CPEB3: variants seen among roughly 807,000 people sequenced by gnomAD.
The protein encoded by CPEB3 is cytoplasmic polyadenylation element binding protein 3, also known as cytoplasmic polyadenylation element-binding protein 3.
Under a neutral mutation model 67.2 loss-of-function variants are expected in CPEB3, and 20 were observed. The ratio of observed to expected loss-of-function variants is 0.30; its 90% CI spans 0.21 to 0.43. The LOEUF (loss-of-function observed/expected upper bound fraction) is 0.43. CPEB3 is among the 20% of genes least tolerant of loss of function. CPEB3 has a pLI of 1.00. For missense variants in CPEB3, 746 were observed against 968.6 expected, an observed-to-expected ratio of 0.77 and a Z score of 3.05; for synonymous variants, 376 against 393.1, an observed-to-expected ratio of 0.96 and a Z score of 0.51.
At chr10:92,116,252 TAAA>T (rs1208917572) in intron 6 of CPEB3, among the ~76,000 whole-genome samples, 10 of 145,874 alleles carry the variant, frequency 6.9e-5, no homozygotes, top group Admixed American at 2.7e-4. Context: ...CACCTTCCAG[TAAA>T]AAAAAAAAAA....
chr10:92,283,965 TGATCCACCTGCCTCA>T (rs1458165951), intron 1 of CPEB3, among the ~76,000 whole-genome samples: 16 of 151,226 alleles, frequency 1.1e-4, no homozygotes, highest in Admixed American at 1.1e-3. Context: ...TGACCTCAGG[TGATCCACCTGCCTCA>T]GCCTCCCAAG....
chr10:92,223,598 C>T (rs1564882996), intron 2 of CPEB3, among the ~76,000 whole-genome samples: 1 of 103,008 alleles, frequency 9.7e-6, no homozygotes, highest in Non-Finnish European at 1.8e-5. Flanking sequence ...TTTTTTGAGA[C>T]AGAGTCTCGC....
At chr10:92,268,716 G>A (rs1290987299) in intron 1 of CPEB3, among the ~76,000 whole-genome samples, 1 of 151,964 alleles carries the variant, frequency 6.6e-6, no homozygotes, top group African/African-American at 2.4e-5. Flanking sequence ...ATTTAATTTG[G>A]GTACATTTTT....
At chr10:92,194,032 G>A (rs993514174) in intron 2 of CPEB3, among the ~76,000 whole-genome samples, 138 of 151,860 alleles carry the variant, frequency 9.1e-4, no homozygotes, top group African/African-American at 3.1e-3. Context: ...TCCTGACCTC[G>A]TGATCCACCG....
chr10:92,137,498 G>T, intron 6 of CPEB3: 1 of 1,050,182 alleles, frequency 9.5e-7, no homozygotes, highest in Non-Finnish European at 1.4e-6. Flanking sequence ...TCAGCCACAA[G>T]GCCTTCTGAT....
At chr10:92,243,215 A>G (rs1478560048) in intron 1 of CPEB3, 1 of 152,164 alleles carries the variant, frequency 6.6e-6, no homozygotes, top group Non-Finnish European at 1.5e-5. Flanking sequence ...AAAAGTATAC[A>G]GTATTTATTT....
intron 9 of CPEB3, among the ~76,000 whole-genome samples, chr10:92,076,770 G>T (rs1015004085): frequency 1.3e-5 from 2 of 151,274 alleles, no homozygotes. Context: ...GAAGAAGGAA[G>T]AAGAAGGAGG....
intron 7 of CPEB3, among the ~76,000 whole-genome samples, chr10:92,102,389 G>A (rs1844232349): frequency 1.3e-5 from 2 of 152,074 alleles, no homozygotes; most frequent in South Asian, 4.2e-4. Context: ...CCTAGACAGG[G>A]AGCCAAAAGT....
intron 3 of CPEB3, among the ~76,000 whole-genome samples, chr10:92,191,169 A>C (rs951605216): frequency 1.3e-5 from 2 of 152,118 alleles, no homozygotes; most frequent in African/African-American, 4.8e-5. Flanking sequence ...TGGGAGGCCG[A>C]GGTGGGCAGA....
intron 2 of CPEB3, among the ~76,000 whole-genome samples, chr10:92,203,474 ATATATGTGTG>A (rs1849626525): frequency 6.8e-6 from 1 of 147,108 alleles, no homozygotes; most frequent in Admixed American, 6.9e-5. Context: ...ATATGTGTAT[ATATATGTGTG>A]TATATGTGTA....
At chr10:92,282,506 G>A (rs1315381146) in intron 1 of CPEB3, among the ~76,000 whole-genome samples, 1 of 151,846 alleles carries the variant, frequency 6.6e-6, no homozygotes, top group East Asian at 1.9e-4. Flanking sequence ...TGACCAACAT[G>A]GTAAAACCCC....
chr10:92,158,755 T>C (rs1847326034), intron 4 of CPEB3, among the ~76,000 whole-genome samples: 1 of 152,220 alleles, frequency 6.6e-6, no homozygotes, highest in Non-Finnish European at 1.5e-5. Flanking sequence ...CCTCAGGCCA[T>C]GCTTAATAAT....
chr10:92,235,038 G>C (rs1851460957), intron 2 of CPEB3, among the ~76,000 whole-genome samples: 1 of 152,208 alleles, frequency 6.6e-6, no homozygotes, highest in Non-Finnish European at 1.5e-5. Context: ...TAAAGTGCTT[G>C]GCACAGGGCC....
At chr10:92,168,797 T>C (rs1289091220) in intron 4 of CPEB3, among the ~76,000 whole-genome samples, 2 of 149,650 alleles carry the variant, frequency 1.3e-5, no homozygotes, top group African/African-American at 5.0e-5. Context: ...TGCCCTTTTT[T>C]TTTTTTTTTT....
At chr10:92,087,051 AAAC>A (rs1216838130) in intron 8 of CPEB3, among the ~76,000 whole-genome samples, 11 of 152,234 alleles carry the variant, frequency 7.2e-5, no homozygotes, top group Admixed American at 6.5e-4. Context: ...CCATATCATA[AAAC>A]AACAATAAAG....
At chr10:92,188,079 C>A (rs914620073) in intron 3 of CPEB3, among the ~76,000 whole-genome samples, 20 of 151,900 alleles carry the variant, frequency 1.3e-4, no homozygotes, top group African/African-American at 4.8e-4. Context: ...GCCTCTAGTA[C>A]CAGCTACTTA....
At chr10:92,105,961 C>T (rs894087758) in intron 7 of CPEB3, among the ~76,000 whole-genome samples, 3 of 152,066 alleles carry the variant, frequency 2.0e-5, no homozygotes, top group African/African-American at 7.2e-5. Context: ...GGCGCAATGT[C>T]GGCTCACTGC....
intron 2 of CPEB3, among the ~76,000 whole-genome samples, chr10:92,206,184 G>T (rs1849780717): frequency 6.6e-6 from 1 of 150,760 alleles, no homozygotes; most frequent in Non-Finnish European, 1.5e-5. Context: ...AGATTCTCCT[G>T]CCTCAGCCTC....
At position 92,052,040 on chromosome 10, in the gene CPEB3, G is replaced by A. The variant is rs971883278; in HGVS notation, c.*172C>T. 1 of 580,064 alleles carries A rather than the reference G, an allele frequency of 1.7e-6. No individual in the cohort carries two copies. The highest frequency in any genetic ancestry group is 2.2e-5 in the South Asian group (1 of 45,830). The allele number at this position is 580,064 out of a possible 1,614,324, so 35.9% of individuals were successfully genotyped here. ...AATTCTGCATTATACTGGACACTGAGTTCAGTAATATGACTGTAAATAATA... is the reference window on the plus strand; with the variant it reads ...AATTCTGCATTATACTGGACACTGAATTCAGTAATATGACTGTAAATAATA... On this transcript the variant is annotated 3_prime_UTR_variant, in exon 10 of 10. Transcript: ENST00000265997.
Sources: gnomAD v4.1 joint callset for allele counts (sites outside exome capture counted in the v4.1 genomes callset) on GRCh38, gnomAD v4.1.1 for gene constraint, MANE v1.5 for transcripts, NCBI Gene and HGNC (gene_info 2026-07-23, HGNC 2026-07-21) for gene names.